Variants in GPHN observed in about 807,000 individuals in gnomAD.
GPHN encodes gephyrin.
Under a neutral mutation model 95.5 loss-of-function variants are expected in GPHN, and 17 were observed. That is an observed-to-expected ratio of 0.18 (90% confidence interval 0.12 to 0.27). The LOEUF (loss-of-function observed/expected upper bound fraction) is 0.27. GPHN is among the 10% of genes least tolerant of loss of function. The probability of loss-of-function intolerance (pLI) is 1.00; values close to 1 mark genes in which losing one functional copy is unlikely to be tolerated. For missense variants in GPHN, 660 were observed against 978.1 expected, an observed-to-expected ratio of 0.67 and a Z score of 4.34; for synonymous variants, 320 against 322.5, an observed-to-expected ratio of 0.99 and a Z score of 0.08.
chr14:67,541,981 G>A, the GPHN span: 2 of 1,605,682 alleles, frequency 1.2e-6, no homozygotes, highest in Non-Finnish European at 1.7e-6. Context: ...TAAGGGAGCT[G>A]CTGGCTGACA....
At chr14:66,969,185 T>A (rs1375670207) in intron 9 of GPHN, 2 of 152,214 alleles carry the variant, frequency 1.3e-5, no homozygotes, top group African/African-American at 4.8e-5. Flanking sequence ...TATTTTCTTT[T>A]AATGAAATCT....
the GPHN span, among the ~76,000 whole-genome samples, chr14:67,632,862 T>C: frequency 2.2e-4 from 27 of 122,362 alleles, no homozygotes; most frequent in South Asian, 2.6e-3. Flanking sequence ...GCTCTATCGC[T>C]CAGGCTGGAG....
At chr14:67,089,115 ATT>A in intron 12 of GPHN, 40 bp downstream of exon 12, 2 of 360,438 alleles carry the variant, frequency 5.5e-6, no homozygotes, top group Middle Eastern at 4.7e-4. Flanking sequence ...CAGGCACTGT[ATT>A]TTTTTTTCTT....
intron 18 of GPHN, among the ~76,000 whole-genome samples, chr14:67,146,059 A>C (rs1200559332): frequency 3.3e-5 from 5 of 152,170 alleles, no homozygotes; most frequent in Admixed American, 6.5e-5. Context: ...ATTAGATCTC[A>C]AGTCTTTGCT....
chr14:67,578,848 T>C, the GPHN span, among the ~76,000 whole-genome samples: 2 of 152,234 alleles, frequency 1.3e-5, no homozygotes, highest in Non-Finnish European at 2.9e-5. The surrounding 1 kb of genome is among the most constrained non-coding windows in gnomAD (Gnocchi z 5.0). Flanking sequence ...TATCCACGGA[T>C]GTACTGTGGC....
chr14:67,102,342 A>G (rs1205916191), intron 13 of GPHN, among the ~76,000 whole-genome samples: 1 of 151,968 alleles, frequency 6.6e-6, no homozygotes, highest in Non-Finnish European at 1.5e-5. Flanking sequence ...GGAATACCCA[A>G]CTGCTACTAC....
chr14:66,563,483 G>A (rs2060347527), intron 1 of GPHN, among the ~76,000 whole-genome samples: 1 of 152,018 alleles, frequency 6.6e-6, no homozygotes, highest in Non-Finnish European at 1.5e-5. Flanking sequence ...TTCTTGTGGG[G>A]CTGGTTTTAT....
chr14:67,516,774 C>T, the GPHN span, among the ~76,000 whole-genome samples: 63,695 of 151,790 alleles, frequency 0.42, 13,839 homozygotes, highest in East Asian at 0.49. Context: ...TATCGTGTTC[C>T]TGGGCTGGTC....
At chr14:67,193,944 C>CAAAAAAAAAAA in the GPHN span, among the ~76,000 whole-genome samples, 8 of 33,830 alleles carry the variant, frequency 2.4e-4, no homozygotes, top group East Asian at 1.4e-3. Flanking sequence ...GACCCTGTCT[C>CAAAAAAAAAAA]AAAAAAAAAC....
chr14:67,539,679 T>A, the GPHN span, among the ~76,000 whole-genome samples: 14 of 151,994 alleles, frequency 9.2e-5, no homozygotes, highest in Non-Finnish European at 2.1e-4. Context: ...ATTCTTTTTA[T>A]TTTTTTTGGA....
intron 16 of GPHN, among the ~76,000 whole-genome samples, chr14:67,117,802 A>G (rs1176559080): frequency 6.6e-6 from 1 of 152,188 alleles, no homozygotes; most frequent in Non-Finnish European, 1.5e-5. Flanking sequence ...GTTCAGCAAA[A>G]AAACGATCAG....
chr14:66,530,871 G>A (rs758389091), intron 1 of GPHN, among the ~76,000 whole-genome samples: 29 of 151,858 alleles, frequency 1.9e-4, no homozygotes, highest in Admixed American at 7.9e-4. Context: ...CGTTGATCTC[G>A]CTGGGAGCTG....
chr14:67,244,460 A>G, the GPHN span, among the ~76,000 whole-genome samples: 1 of 152,218 alleles, frequency 6.6e-6, no homozygotes, highest in East Asian at 1.9e-4. Flanking sequence ...GAGAAATGAT[A>G]TAATTGCTTC....
the GPHN span, among the ~76,000 whole-genome samples, chr14:67,233,973 A>C: frequency 6.6e-6 from 1 of 152,336 alleles, no homozygotes; most frequent in East Asian, 1.9e-4. Context: ...TGAAATTTGA[A>C]GCCATGAGAT....
chr14:67,088,614 C>A (rs920766507), intron 11 of GPHN, among the ~76,000 whole-genome samples: 1 of 152,124 alleles, frequency 6.6e-6, no homozygotes, highest in African/African-American at 2.4e-5. Flanking sequence ...CGATAGATTT[C>A]TAGAAGTGAA....
At chr14:67,048,102 G>C (rs530618047) in intron 10 of GPHN, among the ~76,000 whole-genome samples, 10 of 152,168 alleles carry the variant, frequency 6.6e-5, no homozygotes, top group African/African-American at 9.7e-5. Context: ...AGATAACAAA[G>C]ATCCATATTG....
chr14:66,774,320 T>C (rs1045471931), intron 2 of GPHN, among the ~76,000 whole-genome samples: 1 of 152,198 alleles, frequency 6.6e-6, no homozygotes, highest in Non-Finnish European at 1.5e-5. Flanking sequence ...AAGGTTTTAA[T>C]GTAGATATCA....
chr14:67,175,193 G>C (rs1201020764), intron 21 of GPHN, among the ~76,000 whole-genome samples: 3 of 152,138 alleles, frequency 2.0e-5, no homozygotes, highest in Non-Finnish European at 2.9e-5. Context: ...TTTTCTTCTA[G>C]GGTTTTTCTG....
the GPHN span, among the ~76,000 whole-genome samples, chr14:67,416,143 A>T: frequency 6.6e-6 from 1 of 152,220 alleles, no homozygotes; most frequent in African/African-American, 2.4e-5. Flanking sequence ...ATAATTAAAC[A>T]AGAAGCTTTG....
Sources: gnomAD v4.1 joint callset for allele counts (sites outside exome capture counted in the v4.1 genomes callset) on GRCh38, gnomAD v4.1.1 for gene constraint, Gnocchi (gnomAD v3.1) non-coding constraint, MANE v1.5 for transcripts, NCBI Gene and HGNC (gene_info 2026-07-23, HGNC 2026-07-21) for gene names.